The following ANTXR1 variants were observed in gnomAD, a reference collection of about 807,000 sequenced individuals.
The protein encoded by ANTXR1 is ANTXR cell adhesion molecule 1, also known as anthrax toxin receptor 1.
A neutral mutation model predicts 78.1 loss-of-function variants in ANTXR1; 19 were observed. That is an observed-to-expected ratio of 0.24 (90% CI 0.17 to 0.36). The LOEUF is 0.36. Ranked by LOEUF, ANTXR1 falls within the 10% of genes least tolerant of loss-of-function variation. The probability of loss-of-function intolerance (pLI) is 1.00; values close to 1 mark genes in which losing one functional copy is unlikely to be tolerated. For missense variants in ANTXR1, 518 were observed against 718.6 expected, an observed-to-expected ratio of 0.72 and a Z score of 3.19; for synonymous variants, 273 against 260.5, an observed-to-expected ratio of 1.05 and a Z score of -0.46.
chr2:69,235,017 C>CTTTTTTTTT (rs748250586), intron 17 of ANTXR1, among the ~76,000 whole-genome samples: 2 of 83,372 alleles, frequency 2.4e-5, no homozygotes, highest in Non-Finnish European at 4.5e-5. Context: ...ATGATGAAAG[C>CTTTTTTTTT]TTTTTTTTTT....
intron 13 of ANTXR1, among the ~76,000 whole-genome samples, chr2:69,153,459 A>T (rs1050226499): frequency 6.6e-6 from 1 of 152,216 alleles, no homozygotes. Context: ...CTTGCAGCAG[A>T]CAAGTATGGA....
intron 13 of ANTXR1, among the ~76,000 whole-genome samples, chr2:69,156,740 C>G (rs559201223): frequency 4.6e-5 from 7 of 152,328 alleles, no homozygotes; most frequent in African/African-American, 1.2e-4. Context: ...CTCACTATCA[C>G]AAGAACAGCA....
At chr2:69,127,374 G>A (rs943103148) in intron 12 of ANTXR1, among the ~76,000 whole-genome samples, 3 of 152,082 alleles carry the variant, frequency 2.0e-5, no homozygotes, top group Admixed American at 1.3e-4. Flanking sequence ...TGTGGCCAGC[G>A]ATCCTTGGTG....
chr2:69,043,345 G>A (rs956461151), intron 2 of ANTXR1, among the ~76,000 whole-genome samples: 29 of 152,162 alleles, frequency 1.9e-4, no homozygotes, highest in African/African-American at 6.8e-4. Context: ...AGTTGTTCAA[G>A]TATAATGAGA....
chr2:69,246,471 T>G lies in ANTXR1; in HGVS notation c.*986T>G. ...ATCACACAATATCACTAGTTTTTTTTGTTTGTTTGTTTTTTGTTTTTTTTC... is the reference window on the plus strand; with the variant it reads ...ATCACACAATATCACTAGTTTTTTTGGTTTGTTTGTTTTTTGTTTTTTTTC... On this transcript the variant is annotated 3_prime_UTR_variant, in exon 18 of 18. Coordinates refer to ENST00000303714, the MANE Select transcript of ANTXR1 (RefSeq NM_032208.3). 6.6e-6 allele frequency: 1 copy of G among 152,162 alleles called. No homozygotes were observed. The highest frequency in any genetic ancestry group is 2.1e-4 in the South Asian group (1 of 4,826). The allele number at this position is 152,162 out of a possible 1,614,324, so 9.4% of individuals were successfully genotyped here.
intron 13 of ANTXR1, among the ~76,000 whole-genome samples, chr2:69,158,179 T>C (rs1329138671): frequency 6.6e-6 from 1 of 152,198 alleles, no homozygotes; most frequent in Non-Finnish European, 1.5e-5. Flanking sequence ...TGCTGCTCAG[T>C]GTATCTCAAA....
chr2:69,109,065 C>T (rs994672734), intron 10 of ANTXR1, among the ~76,000 whole-genome samples: 3 of 152,164 alleles, frequency 2.0e-5, no homozygotes, highest in Admixed American at 1.3e-4. Flanking sequence ...TCTAGCTGTG[C>T]GACTGTGACG....
At chr2:69,092,578 A>G (rs1412872724) in intron 9 of ANTXR1, among the ~76,000 whole-genome samples, 3 of 152,270 alleles carry the variant, frequency 2.0e-5, no homozygotes, top group African/African-American at 7.2e-5. Context: ...AAGATTACCT[A>G]CTGACCTTTA....
At chr2:69,096,940 T>C (rs1365715045) in intron 9 of ANTXR1, among the ~76,000 whole-genome samples, 1 of 152,266 alleles carries the variant, frequency 6.6e-6, no homozygotes, top group Non-Finnish European at 1.5e-5. Flanking sequence ...TTACAGTCCC[T>C]GTTCCAAAAC....
chr2:69,027,814 CAAAA>C (rs551034885), intron 1 of ANTXR1, among the ~76,000 whole-genome samples: 1 of 100,492 alleles, frequency 1.0e-5, no homozygotes. Context: ...TTTTCAGTAG[CAAAA>C]AAAAAAAAAA....
At chr2:69,190,140 C>T (rs540861818) in intron 16 of ANTXR1, among the ~76,000 whole-genome samples, 10 of 152,110 alleles carry the variant, frequency 6.6e-5, no homozygotes, top group South Asian at 4.2e-4. Context: ...GCAGAGAGGT[C>T]GGAGGGAGCA....
chr2:69,074,245 A>C (rs181844118), intron 6 of ANTXR1, among the ~76,000 whole-genome samples: 8 of 152,176 alleles, frequency 5.3e-5, no homozygotes, highest in African/African-American at 1.4e-4. Flanking sequence ...TATGACAGAC[A>C]CTCCCTGAGC....
At chr2:69,058,726 A>G (rs1305910753) in intron 3 of ANTXR1, among the ~76,000 whole-genome samples, 4 of 152,232 alleles carry the variant, frequency 2.6e-5, no homozygotes, top group African/African-American at 9.6e-5. Context: ...ATGCATGTCT[A>G]TAGCTGCCAT....
chr2:69,106,807 C>T (rs946791184), intron 10 of ANTXR1, among the ~76,000 whole-genome samples: 1 of 152,242 alleles, frequency 6.6e-6, no homozygotes, highest in Non-Finnish European at 1.5e-5. Context: ...TAAAGGTGGG[C>T]TGATGGCACA....
intron 12 of ANTXR1, among the ~76,000 whole-genome samples, chr2:69,126,397 C>T (rs1341288307): frequency 6.6e-6 from 1 of 152,122 alleles, no homozygotes; most frequent in Non-Finnish European, 1.5e-5. Context: ...TAGGACACCA[C>T]CAAATTTTAA....
At chr2:69,174,240 T>A (rs1052707249) in intron 14 of ANTXR1, among the ~76,000 whole-genome samples, 3 of 152,208 alleles carry the variant, frequency 2.0e-5, no homozygotes, top group African/African-American at 7.2e-5. Context: ...GTAGCCCCAA[T>A]GTTTTTTGAT....
At chr2:69,231,638 C>G (rs1206627152) in intron 17 of ANTXR1, among the ~76,000 whole-genome samples, 2 of 152,128 alleles carry the variant, frequency 1.3e-5, no homozygotes, top group African/African-American at 2.4e-5. Context: ...TTTAGAGTCT[C>G]TCATGAAGCT....
intron 1 of ANTXR1, among the ~76,000 whole-genome samples, chr2:69,031,251 G>A (rs938467606): frequency 2.0e-5 from 3 of 152,158 alleles, no homozygotes; most frequent in African/African-American, 4.8e-5. Flanking sequence ...GCCACCCAGG[G>A]CCTCTCATTT....
chr2:69,164,448 T>C (rs1314963440), intron 13 of ANTXR1, among the ~76,000 whole-genome samples: 1 of 152,226 alleles, frequency 6.6e-6, no homozygotes, highest in Non-Finnish European at 1.5e-5. Context: ...CCCTCCCTTT[T>C]CAGGAACACA....
Sources: allele counts gnomAD v4.1 joint callset (sites outside exome capture counted in the v4.1 genomes callset), GRCh38; gene constraint gnomAD v4.1.1; transcripts MANE v1.5; gene names NCBI Gene and HGNC (gene_info 2026-07-23, HGNC 2026-07-21).